Variants in CMIP observed in about 807,000 individuals in gnomAD.
CMIP encodes C-Maf-inducing protein.
CMIP carries 13 observed loss-of-function variants against 97.3 expected under a neutral mutation model. The ratio of observed to expected loss-of-function variants is 0.13; its 90% confidence interval spans 0.09 to 0.21. The LOEUF (loss-of-function observed/expected upper bound fraction) is 0.21. Ranked by LOEUF, CMIP falls within the 10% of genes least tolerant of loss-of-function variation. CMIP has a pLI of 1.00. For synonymous variants in CMIP, 538 were observed against 436.3 expected, an observed-to-expected ratio of 1.23 and a Z score of -2.91; for missense variants, 847 against 1,024.9, an observed-to-expected ratio of 0.83 and a Z score of 2.37.
intron 1 of CMIP, among the ~76,000 whole-genome samples, chr16:81,584,528 T>TA (rs1469847202): frequency 6.6e-6 from 1 of 152,226 alleles, no homozygotes; most frequent in Non-Finnish European, 1.5e-5. Flanking sequence ...ACCCTGTTTT[T>TA]ACCTCGAGTG....
intron 1 of CMIP, among the ~76,000 whole-genome samples, chr16:81,547,391 C>T (rs938924129): frequency 6.6e-6 from 1 of 152,182 alleles, no homozygotes; most frequent in Admixed American, 6.5e-5. Context: ...GCTCCAGGCT[C>T]CCTGCTGGCC....
intron 1 of CMIP, among the ~76,000 whole-genome samples, chr16:81,454,310 G>C (rs1906414694): frequency 6.6e-6 from 1 of 152,204 alleles, no homozygotes; most frequent in African/African-American, 2.4e-5. Flanking sequence ...TGGAGTCTCA[G>C]ATAAAGAGAG....
intron 1 of CMIP, among the ~76,000 whole-genome samples, chr16:81,452,885 G>GTTT (rs558606255): frequency 5.4e-5 from 7 of 129,228 alleles, no homozygotes; most frequent in East Asian, 2.3e-4. Context: ...TTTTTGTTTT[G>GTTT]TTTTTTTTTT....
chr16:81,552,289 G>T lies in CMIP; in HGVS notation c.301-55278G>T, dbSNP rs1267358644. Among the ~76,000 whole-genome samples, 4 of 152,174 alleles carry T rather than the reference G, an allele frequency of 2.6e-5. No homozygotes were observed. In the East Asian group the frequency reaches 5.8e-4, roughly 22 times the overall value. Reference sequence around the variant, plus strand: ...AAGGGCTGGCTGGTGGTTCCCGAGGGTATCCTGTGTGTAGTGGGGATGTTC... The same window carrying T: ...AAGGGCTGGCTGGTGGTTCCCGAGGTTATCCTGTGTGTAGTGGGGATGTTC... On this transcript the variant is annotated intron_variant, in intron 1 of 20. Coordinates refer to ENST00000537098, the MANE Select transcript of CMIP (RefSeq NM_198390.3).
intron 1 of CMIP, among the ~76,000 whole-genome samples, chr16:81,478,993 G>A (rs1358882425): frequency 6.6e-6 from 1 of 152,218 alleles, no homozygotes; most frequent in African/African-American, 2.4e-5. Context: ...CCACCTTTAA[G>A]TCTGGGCTTT....
At position 81,701,776 on chromosome 16, in the gene CMIP, C is replaced by G. The variant is rs370169913; in HGVS notation, c.1872C>G (p.Asp624Glu). 3 of 1,613,640 alleles carry G rather than the reference C, an allele frequency of 1.9e-6. No individual in the cohort carries two copies. Among genetic ancestry groups the G allele is most frequent in the African/African-American group, 2.7e-5 (2 of 74,940 alleles). ...VGKRMYEQLCDRQRELKELQR... is the reference protein window; with the variant it reads ...VGKRMYEQLCERQRELKELQR... ...AGCGCATGTACGAGCAGCTGTGTGACCGGCAGCGGGAGCTGAAGGAGCTGG... is the reference window on the plus strand; with the variant it reads ...AGCGCATGTACGAGCAGCTGTGTGAGCGGCAGCGGGAGCTGAAGGAGCTGG... The change falls in exon 16 of 21, where the codon GAC becomes GAG. Residue 624 changes from aspartate to glutamate, a missense_variant. Around this residue, in one of 4 missense-constraint regions of CMIP, gnomAD observed 266 missense variants for 384.2 expected, o/e 0.69. Coordinates refer to ENST00000537098, the MANE Select transcript of CMIP (RefSeq NM_198390.3).
At chr16:81,574,391 G>T (rs773742451) in intron 1 of CMIP, among the ~76,000 whole-genome samples, 1 of 152,228 alleles carries the variant, frequency 6.6e-6, no homozygotes. Context: ...GACATGGCAG[G>T]GGTGCCAGGC....
At chr16:81,559,521 G>T (rs1056553562) in intron 1 of CMIP, among the ~76,000 whole-genome samples, 1 of 152,182 alleles carries the variant, frequency 6.6e-6, no homozygotes, top group African/African-American at 2.4e-5. Context: ...TAGTGACGTG[G>T]TCGGTGTGTG....
intron 2 of CMIP, among the ~76,000 whole-genome samples, chr16:81,608,655 C>T (rs542440997): frequency 7.9e-5 from 12 of 152,044 alleles, no homozygotes; most frequent in South Asian, 4.2e-4. Flanking sequence ...CACACAGAGG[C>T]GGTGAGGTGC....
chr16:81,445,281 C>G lies in CMIP; in HGVS notation c.40C>G (p.Arg14Gly). ...TSSSGGGGDPRQIEETKPLLG... is the reference protein window; with the variant it reads ...TSSSGGGGDPGQIEETKPLLG... Reference sequence around the variant, plus strand: ...CAGCTCGGGCGGCGGCGGCGACCCCCGGCAGATCGAGGAGACCAAGCCGCT... The same window carrying G: ...CAGCTCGGGCGGCGGCGGCGACCCCGGGCAGATCGAGGAGACCAAGCCGCT... Residue 14 changes from arginine to glycine, a missense_variant, in exon 1 of 21, where the codon CGG (arginine) becomes GGG (glycine). Coordinates refer to ENST00000537098, the MANE Select transcript of CMIP (RefSeq NM_198390.3). 3 of 1,548,426 alleles carry G rather than the reference C, an allele frequency of 1.9e-6. No individual in the cohort carries two copies. The highest frequency in any genetic ancestry group is 8.7e-7 in the Non-Finnish European group (1 of 1,148,892).
At chr16:81,685,605 C>T (rs979235314) in intron 10 of CMIP, among the ~76,000 whole-genome samples, 6 of 151,962 alleles carry the variant, frequency 3.9e-5, no homozygotes, top group South Asian at 4.2e-4. Flanking sequence ...AGTATAGTGC[C>T]GCAGTTACAG....
intron 8 of CMIP, 126 bp downstream of exon 8, chr16:81,670,371 T>A: frequency 1.0e-6 from 1 of 985,124 alleles, no homozygotes; most frequent in Non-Finnish European, 1.5e-6. Flanking sequence ...AGGAAGCCCC[T>A]AGCCTACTGC....
chr16:81,581,521 T>C (rs1360666800), intron 1 of CMIP, among the ~76,000 whole-genome samples: 1 of 152,328 alleles, frequency 6.6e-6, no homozygotes, highest in Middle Eastern at 3.4e-3. Context: ...AGTAAAAATA[T>C]GGAATCATAA....
At chr16:81,663,457 G>C (rs1368049638) in intron 6 of CMIP, among the ~76,000 whole-genome samples, 1 of 152,186 alleles carries the variant, frequency 6.6e-6, no homozygotes, top group Admixed American at 6.5e-5. Context: ...TAAAATGATC[G>C]GTGGTTGCCA....
chr16:81,458,958 C>T (rs1906729667), intron 1 of CMIP, among the ~76,000 whole-genome samples: 1 of 152,160 alleles, frequency 6.6e-6, no homozygotes, highest in African/African-American at 2.4e-5. Flanking sequence ...ATCATCATGA[C>T]CCCTACCATT....
chr16:81,602,974 ACAG>A (rs1440481875), intron 1 of CMIP, among the ~76,000 whole-genome samples: 1 of 152,182 alleles, frequency 6.6e-6, no homozygotes, highest in Non-Finnish European at 1.5e-5. Flanking sequence ...AGCCCAAGGA[ACAG>A]CAGCGTTCAG....
chr16:81,537,089 G>T (rs923492499), intron 1 of CMIP, among the ~76,000 whole-genome samples: 1 of 152,172 alleles, frequency 6.6e-6, no homozygotes, highest in Non-Finnish European at 1.5e-5. Flanking sequence ...AGAGTAAGTT[G>T]CTGGAAACTT....
chr16:81,701,412 G>A (rs1907390132), intron 15 of CMIP, among the ~76,000 whole-genome samples: 1 of 152,204 alleles, frequency 6.6e-6, no homozygotes. Flanking sequence ...CGCACGGTAA[G>A]CAGATGCCTG....
chr16:81,579,202 A>G (rs1488465829), intron 1 of CMIP, among the ~76,000 whole-genome samples: 1 of 152,180 alleles, frequency 6.6e-6, no homozygotes, highest in Non-Finnish European at 1.5e-5. Context: ...TTACTTCTTA[A>G]CAATGAGGAG....
Sources: allele counts gnomAD v4.1 joint callset (sites outside exome capture counted in the v4.1 genomes callset), GRCh38; gene constraint gnomAD v4.1.1; regional missense constraint gnomAD v4.1.1; transcripts MANE v1.5; gene names NCBI Gene and HGNC (gene_info 2026-07-23, HGNC 2026-07-21).